RNLS: variants seen among roughly 807,000 people sequenced by gnomAD.
RNLS encodes renalase, FAD dependent amine oxidase, also known as renalase.
In RNLS, 39 loss-of-function variants were observed where a neutral mutation model predicts 39.8. The ratio of observed to expected loss-of-function variants is 0.98; its 90% CI spans 0.76 to 1.28. RNLS has a LOEUF of 1.28. RNLS is among the 50% of genes most tolerant of loss of function. RNLS has a pLI of 0.00. For synonymous variants in RNLS, 147 were observed against 150.7 expected (o/e 0.98, Z 0.18); for missense variants, 410 against 413.3 (o/e 0.99, Z 0.07).
chr10:88,518,930 C>T (rs1376525919), intron 4 of RNLS, among the ~76,000 whole-genome samples: 1 of 151,982 alleles, frequency 6.6e-6, no homozygotes, highest in Non-Finnish European at 1.5e-5. Flanking sequence ...CCATTTGACC[C>T]TTGTATATCT....
chr10:88,563,025 A>C (rs1849280075), intron 4 of RNLS, among the ~76,000 whole-genome samples: 1 of 152,180 alleles, frequency 6.6e-6, no homozygotes, highest in African/African-American at 2.4e-5. Flanking sequence ...GTAAGATCTT[A>C]TGATAAAAGC....
intron 4 of RNLS, among the ~76,000 whole-genome samples, chr10:88,559,662 C>CTCGTTCATTCATTCATTCAT (rs1849063359): frequency 6.6e-6 from 1 of 151,070 alleles, no homozygotes; most frequent in Non-Finnish European, 1.5e-5. Flanking sequence ...GATTGTTTCA[C>CTCGTTCATTCATTCATTCAT]TCATTCATTC....
chr10:88,385,727 T>G (rs1589704863), intron 4 of RNLS, among the ~76,000 whole-genome samples: 1 of 152,138 alleles, frequency 6.6e-6, no homozygotes, highest in South Asian at 2.1e-4. Flanking sequence ...TTCCTTCGGG[T>G]GGGGCCCTGT....
intron 4 of RNLS, among the ~76,000 whole-genome samples, chr10:88,399,421 G>A (rs188356100): frequency 1.8e-4 from 28 of 152,002 alleles, no homozygotes; most frequent in Admixed American, 1.1e-3. Context: ...AAACAATTAC[G>A]GTATATCCAT....
chr10:88,217,481 T>G, the RNLS span, among the ~76,000 whole-genome samples: 5 of 151,780 alleles, frequency 3.3e-5, no homozygotes, highest in Non-Finnish European at 7.4e-5. Flanking sequence ...ACTCTAGGAG[T>G]GTGATCTGAT....
At chr10:88,531,239 TC>T in intron 4 of RNLS, among the ~76,000 whole-genome samples, 1 of 151,780 alleles carries the variant, frequency 6.6e-6, no homozygotes, top group Non-Finnish European at 1.5e-5. Context: ...TTATCAATAT[TC>T]CTACAAGTTT....
intron 4 of RNLS, among the ~76,000 whole-genome samples, chr10:88,413,679 C>T (rs950384159): frequency 1.2e-4 from 18 of 152,164 alleles, no homozygotes; most frequent in Non-Finnish European, 2.4e-4. Flanking sequence ...CTCTTCCTTC[C>T]TCTTTCAGAT....
downstream of RNLS, among the ~76,000 whole-genome samples, chr10:88,280,767 T>C (rs956575241): frequency 2.6e-5 from 4 of 152,212 alleles, no homozygotes; most frequent in African/African-American, 7.2e-5. Context: ...TATGTGCTCA[T>C]ATGCATAGTT....
At chr10:88,398,385 G>A (rs1394821177) in intron 4 of RNLS, among the ~76,000 whole-genome samples, 1 of 152,026 alleles carries the variant, frequency 6.6e-6, no homozygotes, top group East Asian at 1.9e-4. Flanking sequence ...ATTAAGGTAG[G>A]TGGATAGTGG....
chr10:88,236,021 T>C, the RNLS span, among the ~76,000 whole-genome samples: 1 of 152,202 alleles, frequency 6.6e-6, no homozygotes, highest in Non-Finnish European at 1.5e-5. Flanking sequence ...TCAATATCCA[T>C]TTATTTCTTT....
At position 88,284,502 on chromosome 10, in the gene RNLS, C is replaced by T; in HGVS notation, c.*852G>A. On this transcript the variant is annotated 3_prime_UTR_variant, in exon 7 of 7. Transcript: ENST00000331772. ...GGCAAATATTGAACTATTTTAAGTG[C>T]ATCTATTTTCTGGTTCAGTAAATTT... The T allele has an allele frequency of 1.0e-6, 1 of 985,292 alleles. No homozygotes were observed. The highest frequency in any genetic ancestry group is 1.2e-6 in the Non-Finnish European group (1 of 829,892). 61.0% of individuals were successfully genotyped at this position (985,292 alleles called of 1,614,324 possible).
the RNLS span, among the ~76,000 whole-genome samples, chr10:88,257,764 T>C: frequency 6.6e-6 from 1 of 152,176 alleles, no homozygotes. Flanking sequence ...TCCTTGGACT[T>C]CAGGACTCAG....
the RNLS span, among the ~76,000 whole-genome samples, chr10:88,256,291 T>C: frequency 6.6e-6 from 1 of 152,262 alleles, no homozygotes; most frequent in African/African-American, 2.4e-5. Context: ...GCCTGTCTCA[T>C]GTGAGCTCGG....
chr10:88,384,365 T>C (rs117985730), intron 4 of RNLS, among the ~76,000 whole-genome samples: 1 of 152,344 alleles, frequency 6.6e-6, no homozygotes, highest in Non-Finnish European at 1.5e-5. Flanking sequence ...TGGTTAACAA[T>C]GATATAGATA....
At chr10:88,202,902 C>G in the RNLS span, among the ~76,000 whole-genome samples, 1 of 152,008 alleles carries the variant, frequency 6.6e-6, no homozygotes, top group Non-Finnish European at 1.5e-5. Flanking sequence ...GGCCACATAA[C>G]CTGGGGAAGG....
At chr10:88,260,922 C>A in the RNLS span, among the ~76,000 whole-genome samples, 1 of 152,148 alleles carries the variant, frequency 6.6e-6, no homozygotes, top group Non-Finnish European at 1.5e-5. Context: ...TTATTGCTTT[C>A]AGCAAAAGAC....
At chr10:88,476,969 T>C (rs1843856136) in intron 4 of RNLS, among the ~76,000 whole-genome samples, 1 of 152,038 alleles carries the variant, frequency 6.6e-6, no homozygotes, top group African/African-American at 2.4e-5. Flanking sequence ...TGCTTTATGC[T>C]GTGCAGTTTT....
At chr10:88,445,445 G>A in intron 4 of RNLS, among the ~76,000 whole-genome samples, 1 of 152,148 alleles carries the variant, frequency 6.6e-6, no homozygotes, top group Non-Finnish European at 1.5e-5. Context: ...ATAATGAAAG[G>A]ATCAAATTCA....
chr10:88,543,032 T>C (rs185112220), intron 4 of RNLS, among the ~76,000 whole-genome samples: 1 of 152,316 alleles, frequency 6.6e-6, no homozygotes, highest in African/African-American at 2.4e-5. Flanking sequence ...TTTTTGTTTT[T>C]GTTTTTCAGT....
Sources: gnomAD v4.1 joint callset for allele counts (sites outside exome capture counted in the v4.1 genomes callset) on GRCh38, gnomAD v4.1.1 for gene constraint, MANE v1.5 for transcripts, NCBI Gene and HGNC (gene_info 2026-07-23, HGNC 2026-07-21) for gene names.